Variants in APLF observed in about 807,000 individuals in gnomAD.
APLF encodes aprataxin and PNKP like factor, also known as aprataxin and PNK-like factor.
In APLF, 61 loss-of-function variants were observed where a neutral mutation model predicts 55.6. The observed-to-expected ratio is 1.10, with a 90% CI of 0.89 to 1.36. APLF has a LOEUF of 1.36. Among genes scored for constraint, APLF ranks in the 40% most tolerant of loss-of-function variants. The pLI is 0.00. For synonymous variants in APLF, 207 were observed against 214.8 expected, an observed-to-expected ratio of 0.96 and a Z score of 0.32; for missense variants, 611 against 602.5, an observed-to-expected ratio of 1.01 and a Z score of -0.15.
At chr2:68,477,232 G>C (rs1675808709) in intron 1 of APLF, among the ~76,000 whole-genome samples, 1 of 152,174 alleles carries the variant, frequency 6.6e-6, no homozygotes, top group Non-Finnish European at 1.5e-5. Flanking sequence ...ACTTCTTGTT[G>C]CTGTTTTGGT....
chr2:68,469,394 A>G (rs953311896), intron 1 of APLF, among the ~76,000 whole-genome samples: 2 of 152,180 alleles, frequency 1.3e-5, no homozygotes, highest in African/African-American at 4.8e-5. Context: ...AGACCGTTTC[A>G]TTATTTGTAG....
chr2:68,483,536 T>C (rs1676030430), intron 1 of APLF, among the ~76,000 whole-genome samples: 1 of 152,152 alleles, frequency 6.6e-6, no homozygotes, highest in African/African-American at 2.4e-5. Context: ...GGGTCCCTTT[T>C]TGGGGGGCAA....
At chr2:68,508,888 A>C (rs1273689046) in intron 3 of APLF, among the ~76,000 whole-genome samples, 5 of 152,150 alleles carry the variant, frequency 3.3e-5, no homozygotes, top group African/African-American at 1.2e-4. Flanking sequence ...GACCAATGGA[A>C]CAGAACAGAG....
intron 2 of APLF, among the ~76,000 whole-genome samples, chr2:68,495,298 T>G (rs1648130073): frequency 6.6e-6 from 1 of 152,222 alleles, no homozygotes; most frequent in Non-Finnish European, 1.5e-5. Flanking sequence ...CAAAAGTTAT[T>G]TACTTCTAAG....
In APLF at chr2:68,519,367, A is replaced by C. The variant is rs1254770808; in HGVS notation, c.622+5687A>C. Among the ~76,000 whole-genome samples the C allele has an allele frequency of 7.4e-5, 11 of 148,166 alleles. 1 individual carries two copies. The highest frequency in any genetic ancestry group is 1.5e-5 in the Non-Finnish European group (1 of 67,076). On this transcript the variant is annotated intron_variant, in intron 5 of 9. Coordinates refer to ENST00000303795, the MANE Select transcript of APLF (RefSeq NM_173545.3). ...ACATGATTCATATTTTAAGTGGTAC[A>C]TCTACCAAGTGAAAGAAAATGTATT...
chr2:68,491,971 T>A (rs1478491054), intron 2 of APLF, among the ~76,000 whole-genome samples: 3 of 152,234 alleles, frequency 2.0e-5, no homozygotes, highest in Non-Finnish European at 4.4e-5. Context: ...GGCATTAAAT[T>A]TTTTTATATC....
At chr2:68,567,862 G>T (rs1349723462) in intron 9 of APLF, among the ~76,000 whole-genome samples, 2 of 152,062 alleles carry the variant, frequency 1.3e-5, no homozygotes, top group Non-Finnish European at 2.9e-5. Context: ...TCCTTATTCA[G>T]CTGGGACGAT....
intron 8 of APLF, among the ~76,000 whole-genome samples, chr2:68,559,404 T>G (rs143456318): frequency 6.8e-4 from 104 of 152,272 alleles, no homozygotes; most frequent in African/African-American, 2.4e-3. Flanking sequence ...GCTAATTCAA[T>G]TTAATGGTTC....
chr2:68,517,155 T>C (rs1669620497), intron 5 of APLF, among the ~76,000 whole-genome samples: 2 of 125,038 alleles, frequency 1.6e-5, no homozygotes, highest in South Asian at 2.3e-4. Context: ...ATGTTATTGA[T>C]ATATAATATA....
rs139706670 is a variant in APLF, at chr2:68,545,223, T to C, written c.1197T>C (p.Pro399=). 1.2e-6 allele frequency: 2 copies of C among 1,613,752 alleles called. No homozygotes were observed. Among genetic ancestry groups the C allele is most frequent in the Non-Finnish European group, 1.7e-6 (2 of 1,179,830 alleles). ...NPVHFQHFSH[P]GDSDYGGVQI... ...TTCATTTTCAACATTTTAGCCATCC[T>C]GGTGATAGTGATTATGGAGGTGTAC... is the stretch of plus-strand genomic sequence containing the variant. Residue 399 remains proline (P), a synonymous_variant, in exon 8 of 10, where the codon CCT becomes CCC. Transcript: ENST00000303795.
Position 68,565,514 on chromosome 2 carries a change from G to GATAGATACATAC in APLF, c.1287-1824_1287-1823insGATACATACATA, listed in dbSNP as rs60590885. 3.9e-3 allele frequency among the ~76,000 whole-genome samples: 586 copies of GATAGATACATAC among 149,026 alleles called. 4 individuals carry two copies. The highest frequency in any genetic ancestry group is 0.013 in the African/African-American group (516 of 40,184). On this transcript the variant is annotated intron_variant, in intron 8 of 9. Transcript: ENST00000303795. Reference sequence around the variant, plus strand: ...AGTTAGATAGACAGATAGACAGATAGATACATACATACATACATACATACA... The same window carrying GATAGATACATAC: ...AGTTAGATAGACAGATAGACAGATAGATAGATACATACATACATACATACATACATACATACA...
chr2:68,517,991 A>G (rs1669687067), intron 5 of APLF, among the ~76,000 whole-genome samples: 1 of 118,272 alleles, frequency 8.5e-6, no homozygotes, highest in African/African-American at 5.2e-5. Flanking sequence ...TATCACTAAT[A>G]TGTGTTAATA....
chr2:68,468,200 G>C (rs1675493587), intron 1 of APLF, among the ~76,000 whole-genome samples: 1 of 152,200 alleles, frequency 6.6e-6, no homozygotes, highest in South Asian at 2.1e-4. Flanking sequence ...CAAGGGTTGA[G>C]GGTATTGCGG....
chr2:68,478,650 A>C (rs982633113), intron 1 of APLF, among the ~76,000 whole-genome samples: 45 of 152,220 alleles, frequency 3.0e-4, no homozygotes, highest in African/African-American at 8.7e-4. Flanking sequence ...GATGTCATTA[A>C]GATAATCATT....
chr2:68,556,690 C>A (rs933869305), intron 8 of APLF, among the ~76,000 whole-genome samples: 5 of 152,180 alleles, frequency 3.3e-5, no homozygotes, highest in Non-Finnish European at 5.9e-5. Context: ...CAATCATGTA[C>A]CTTGCCTTGG....
chr2:68,558,243 C>A (rs1229362638), intron 8 of APLF, among the ~76,000 whole-genome samples: 1 of 151,890 alleles, frequency 6.6e-6, no homozygotes, highest in African/African-American at 2.4e-5. Flanking sequence ...ATTTGTTCTT[C>A]TTTGTTATAT....
chr2:68,475,652 G>A (rs766054069), intron 1 of APLF, among the ~76,000 whole-genome samples: 3 of 152,004 alleles, frequency 2.0e-5, no homozygotes, highest in Non-Finnish European at 4.4e-5. Flanking sequence ...ATCAGAAGTT[G>A]GACTTTGTAC....
chr2:68,487,485 A>C (rs538476395), intron 1 of APLF, among the ~76,000 whole-genome samples: 1 of 152,264 alleles, frequency 6.6e-6, no homozygotes, highest in African/African-American at 2.4e-5. Flanking sequence ...AGTGAAGTAT[A>C]ATAATAGTAT....
At chr2:68,551,869 GTCTTCCATCAGTAAGGATACCACC>G (rs1458835379) in intron 8 of APLF, among the ~76,000 whole-genome samples, 1 of 151,380 alleles carries the variant, frequency 6.6e-6, no homozygotes, top group African/African-American at 2.4e-5. Context: ...CCTAGATGTT[GTCTTCCATCAGTAAGGATACCACC>G]TCTACTTGGC....
Sources: allele counts gnomAD v4.1 joint callset (sites outside exome capture counted in the v4.1 genomes callset), GRCh38; gene constraint gnomAD v4.1.1; transcripts MANE v1.5; gene names NCBI Gene and HGNC (gene_info 2026-07-23, HGNC 2026-07-21).